SAMMSON: variants seen among roughly 807,000 people sequenced by gnomAD.
SAMMSON encodes the protein long intergenic non-protein coding RNA 1212.
At chr3:70,337,114 C>A (rs1403070) in intron 7 of SAMMSON, among the ~76,000 whole-genome samples, 7,499 of 32,436 alleles carry the variant, frequency 0.23, 1,161 homozygotes, top group African/African-American at 0.28. Context: ...ACTTAATATT[C>A]TTATTAATAA....
chr3:70,342,723 A>G (rs1053620101), intron 7 of SAMMSON, among the ~76,000 whole-genome samples: 18 of 152,194 alleles, frequency 1.2e-4, no homozygotes, highest in African/African-American at 3.6e-4. Flanking sequence ...ACCAATGGCC[A>G]AGGGACAGTC....
intron 7 of SAMMSON, among the ~76,000 whole-genome samples, chr3:70,313,095 CA>C (rs1404248806): frequency 6.6e-6 from 1 of 151,972 alleles, no homozygotes; most frequent in African/African-American, 2.4e-5. Flanking sequence ...TTTTTTTGAT[CA>C]TCTGTAGATA....
At chr3:70,292,537 C>T (rs1417141032) in intron 7 of SAMMSON, among the ~76,000 whole-genome samples, 2 of 152,026 alleles carry the variant, frequency 1.3e-5, no homozygotes, top group Non-Finnish European at 2.9e-5. Flanking sequence ...GTTTGAGAGG[C>T]ATTAAAAAAG....
chr3:70,277,265 A>G (rs934955258), intron 6 of SAMMSON, among the ~76,000 whole-genome samples: 1 of 152,228 alleles, frequency 6.6e-6, no homozygotes, highest in African/African-American at 2.4e-5. Flanking sequence ...AAGTGTTAGT[A>G]TATCATTTTA....
chr3:70,165,949 A>T (rs776789364), intron 4 of SAMMSON, among the ~76,000 whole-genome samples: 7 of 151,992 alleles, frequency 4.6e-5, no homozygotes, highest in African/African-American at 7.2e-5. Flanking sequence ...TGCACTAATT[A>T]ATTATGGGAA....
At chr3:70,103,998 T>C (rs2067356010) in intron 4 of SAMMSON, among the ~76,000 whole-genome samples, 1 of 151,420 alleles carries the variant, frequency 6.6e-6, no homozygotes, top group Non-Finnish European at 1.5e-5. Flanking sequence ...TTTAAGCTTT[T>C]TTTTTTTTTT....
Position 70,189,524 on chromosome 3 carries a change from G to A in SAMMSON, n.508-59583G>A, listed in dbSNP as rs375781367. 1.3e-4 allele frequency among the ~76,000 whole-genome samples: 20 copies of A among 152,310 alleles called. No homozygotes were observed. The South Asian group carries it at 4.1e-3, about 32-fold the overall frequency. ...TGGAATACAATATAGAGTGTAGTCA[G>A]ATGGGTTTTGCACTTCGCCCAACCT... On this transcript the variant is annotated intron_variant and non_coding_transcript_variant, in intron 4 of 9. Coordinates refer to ENST00000642114, the Ensembl canonical transcript of SAMMSON.
Position 70,317,586 on chromosome 3 carries a change from GTATCTGTATGTATATA to G in SAMMSON, n.739+26347_739+26362del, listed in dbSNP as rs538129807. On this transcript the variant is annotated intron_variant and non_coding_transcript_variant, in intron 7 of 9. Coordinates refer to ENST00000642114, the Ensembl canonical transcript of SAMMSON. Reference sequence around the variant, plus strand: ...AACCTGCAATATCTTCAAAATATGTGTATCTGTATGTATATATATATGTATGTATATATGTATATAT... The same window carrying G: ...AACCTGCAATATCTTCAAAATATGTGTATATGTATGTATATATGTATATAT... Among the ~76,000 whole-genome samples, 53 of 150,996 alleles carry G rather than the reference GTATCTGTATGTATATA, an allele frequency of 3.5e-4. 2 individuals carry two copies. In the South Asian group the frequency reaches 0.011, roughly 31 times the overall value.
chr3:70,361,652 T>C (rs1347156261), intron 9 of SAMMSON, among the ~76,000 whole-genome samples: 2 of 152,244 alleles, frequency 1.3e-5, no homozygotes. Context: ...GTAGGTACTA[T>C]ATAAATACAA....
chr3:70,125,976 T>G lies in SAMMSON; in HGVS notation n.507+54411T>G, dbSNP rs1468421464. The G allele has an allele frequency of 7.5e-6, 6 of 796,518 alleles. No individual in the cohort carries two copies. In the African/African-American group the frequency reaches 8.4e-5, roughly 11 times the overall value. The allele number at this position is 796,518 out of a possible 1,614,324, so 49.3% of individuals were successfully genotyped here. On this transcript the variant is annotated intron_variant and non_coding_transcript_variant, in intron 4 of 9. Transcript: ENST00000642114. ...ATGTGGGTGGAAGAGGTGGATGCAA[T>G]GGCATATGGTCTTCATAGATGGGAG...
chr3:70,271,956 T>G (rs1314847345), intron 6 of SAMMSON: 1 of 152,220 alleles, frequency 6.6e-6, no homozygotes, highest in East Asian at 1.9e-4. Flanking sequence ...AGAGACAACG[T>G]TTCATCATGT....
chr3:70,025,759 C>G (rs1180278860), intron 3 of SAMMSON, among the ~76,000 whole-genome samples: 1 of 152,124 alleles, frequency 6.6e-6, no homozygotes, highest in Non-Finnish European at 1.5e-5. Flanking sequence ...TGAGAACATG[C>G]AGTCTGTTAA....
chr3:70,420,318 A>C (rs1337222174), intron 2 of SAMMSON, among the ~76,000 whole-genome samples: 1 of 152,310 alleles, frequency 6.6e-6, no homozygotes, highest in East Asian at 1.9e-4. Flanking sequence ...CCACAAAGTC[A>C]AAGGAGCTCA....
At chr3:70,080,554 T>C (rs1337703423) in intron 4 of SAMMSON, among the ~76,000 whole-genome samples, 2 of 152,106 alleles carry the variant, frequency 1.3e-5, no homozygotes, top group African/African-American at 4.8e-5. Flanking sequence ...CAGTGCATGC[T>C]CTGTTTCTAT....
At chr3:70,262,200 T>G (rs1199046077) in intron 6 of SAMMSON, among the ~76,000 whole-genome samples, 1 of 152,094 alleles carries the variant, frequency 6.6e-6, no homozygotes, top group Non-Finnish European at 1.5e-5. Flanking sequence ...AGAACAAAAA[T>G]CATATGATGA....
chr3:70,012,703 A>G (rs1166420423), intron 2 of SAMMSON: 1 of 152,192 alleles, frequency 6.6e-6, no homozygotes, highest in African/African-American at 2.4e-5. Flanking sequence ...TACTACCAAG[A>G]AGGGTCTTTG....
At chr3:70,327,837 A>G (rs1702590173) in intron 7 of SAMMSON, among the ~76,000 whole-genome samples, 1 of 152,244 alleles carries the variant, frequency 6.6e-6, no homozygotes, top group Non-Finnish European at 1.5e-5. Flanking sequence ...CTGTCCCAGA[A>G]AAAAAGGTAA....
At position 70,295,011 on chromosome 3, in the gene SAMMSON, G is replaced by A. The variant is rs1215967908; in HGVS notation, n.739+3768G>A. On this transcript the variant is annotated intron_variant and non_coding_transcript_variant, in intron 7 of 9. Coordinates refer to ENST00000642114, the Ensembl canonical transcript of SAMMSON. ...AAGCCCCTAGCAGATGGGTTCTCATGTCTCATTGTCCAAAATTATTTGTTG... is the reference window on the plus strand; with the variant it reads ...AAGCCCCTAGCAGATGGGTTCTCATATCTCATTGTCCAAAATTATTTGTTG... Among the ~76,000 whole-genome samples, 6 of 152,272 alleles carry A rather than the reference G, an allele frequency of 3.9e-5. No homozygotes were observed. In the South Asian group the frequency reaches 8.3e-4, roughly 21 times the overall value.
chr3:70,003,819 TG>T (rs2066915460), intron 1 of SAMMSON, among the ~76,000 whole-genome samples: 1 of 152,034 alleles, frequency 6.6e-6, no homozygotes, highest in Admixed American at 6.6e-5. Context: ...AGTAAGTATC[TG>T]GTGACAAATT....
Sources: gnomAD v4.1 joint callset for allele counts (sites outside exome capture counted in the v4.1 genomes callset) on GRCh38, gnomAD v4.1.1 for gene constraint, MANE v1.5 for transcripts, NCBI Gene and HGNC (gene_info 2026-07-23, HGNC 2026-07-21) for gene names.